The following KMT5B variants were observed in gnomAD, a reference collection of about 807,000 sequenced individuals.
KMT5B encodes histone-lysine N-methyltransferase KMT5B.
Under a neutral mutation model 83.2 loss-of-function variants are expected in KMT5B, and 10 were observed. The ratio of observed to expected loss-of-function variants is 0.12; its 90% CI spans 0.07 to 0.20. The LOEUF is 0.20. Among genes scored for constraint, KMT5B ranks in the 10% least tolerant of loss-of-function variants. The pLI is 1.00. For synonymous variants in KMT5B, 349 were observed against 388.8 expected (o/e 0.90, Z 1.20); for missense variants, 753 against 1,067.2 (o/e 0.71, Z 4.10).
intron 3 of KMT5B, among the ~76,000 whole-genome samples, chr11:68,182,871 G>C (rs142934839): frequency 2.6e-5 from 4 of 151,924 alleles, no homozygotes; most frequent in African/African-American, 7.3e-5. Flanking sequence ...TGAGTAGCTG[G>C]GAGTACAGGC....
At chr11:68,179,564 CTG>C in intron 4 of KMT5B, 8 of 1,304,016 alleles carry the variant, frequency 6.1e-6, no homozygotes, top group Non-Finnish European at 8.1e-6. Flanking sequence ...AAGTTGTAGA[CTG>C]TATTAGCTGT....
Position 68,162,334 on chromosome 11 carries a change from C to T in KMT5B, c.1175-3163G>A, listed in dbSNP as rs117605420. On this transcript the variant is annotated intron_variant, in intron 10 of 10. Transcript: ENST00000304363. ...ATTTTAACCTGTGCTCACATCTCTT[C>T]TTCTTAGCCTGTACTCGCCATGAAG... Among the ~76,000 whole-genome samples the T allele has an allele frequency of 9.2e-3, 1,403 of 152,320 alleles. 12 individuals are homozygous for T. Among genetic ancestry groups the T allele is most frequent in the South Asian group, 0.023 (110 of 4,820 alleles).
At chr11:68,206,936 C>A (rs928409033) in intron 1 of KMT5B, among the ~76,000 whole-genome samples, 1 of 152,182 alleles carries the variant, frequency 6.6e-6, no homozygotes, top group Non-Finnish European at 1.5e-5. Context: ...GGCTGCAACA[C>A]GCATGATTAA....
chr11:68,175,914 G>GTGTT, intron 4 of KMT5B, among the ~76,000 whole-genome samples: 1 of 126,370 alleles, frequency 7.9e-6, no homozygotes, highest in South Asian at 2.6e-4. Flanking sequence ...GGGTAGAGTT[G>GTGTT]TTTTTTTTTT....
rs1011266997 is a variant in KMT5B, at chr11:68,179,446, A to G, written c.377+686T>C. The G allele has an allele frequency of 4.1e-5, 53 of 1,303,178 alleles. No individual in the cohort carries two copies. In the Admixed American group the frequency reaches 9.7e-4, roughly 24 times the overall value. 80.7% of individuals were successfully genotyped at this position (1,303,178 alleles called of 1,614,324 possible). ...ATTATTAAAGGGGCAGGAAAAAAAC[A>G]TATGAATTCACACTCCCACACACCT... On this transcript the variant is annotated intron_variant, in intron 4 of 10. Coordinates refer to ENST00000304363, the MANE Select transcript of KMT5B (RefSeq NM_017635.5).
chr11:68,180,002 T>C, intron 4 of KMT5B, 130 bp downstream of exon 4: 1 of 1,116,678 alleles, frequency 9.0e-7, no homozygotes. Context: ...CAAACTACTT[T>C]AAAAGGTTTG....
rs1291954756 is a variant in KMT5B at position 68,156,385 on chromosome 11, TAATTAA to T, written c.*1297_*1302del. 12 of 152,596 alleles carry T rather than the reference TAATTAA, an allele frequency of 7.9e-5. No individual in the cohort carries two copies. Among genetic ancestry groups the T allele is most frequent in the African/African-American group, 2.7e-4 (11 of 41,416 alleles). The allele number at this position is 152,596 out of a possible 1,614,324, so 9.5% of individuals were successfully genotyped here. ...AGTAATAAAAATTTGCTCATTAAGTTAATTAAAATTAATTTCTCAAAGTGCTTCAAA... is the reference window on the plus strand; with the variant it reads ...AGTAATAAAAATTTGCTCATTAAGTTAATTAATTTCTCAAAGTGCTTCAAA... On this transcript the variant is annotated 3_prime_UTR_variant, in exon 11 of 11. Transcript: ENST00000304363.
intron 4 of KMT5B, among the ~76,000 whole-genome samples, chr11:68,179,290 A>G (rs184485896): frequency 2.6e-5 from 4 of 152,326 alleles, no homozygotes; most frequent in African/African-American, 4.8e-5. Context: ...CCAAACCAAT[A>G]TGCCCCGTCC....
Position 68,194,431 on chromosome 11 carries a change from G to A in KMT5B, c.-76-4279C>T, listed in dbSNP as rs1361550770. ...TAGTCTTGAACTCCTGGCCACAAGCGATCCTCCCACCTCGGCCTCCCAAAG... is the reference window on the plus strand; with the variant it reads ...TAGTCTTGAACTCCTGGCCACAAGCAATCCTCCCACCTCGGCCTCCCAAAG... On this transcript the variant is annotated intron_variant, in intron 1 of 10. Transcript: ENST00000304363. Among the ~76,000 whole-genome samples, 4 of 151,912 alleles carry A rather than the reference G, an allele frequency of 2.6e-5. 1 individual carries two copies. Among genetic ancestry groups the A allele is most frequent in the Admixed American group, 2.6e-4 (4 of 15,230 alleles).
rs1306568174 is a variant in KMT5B at position 68,154,967 on chromosome 11, C to T, written c.*2721G>A. 9.2e-5 allele frequency: 14 copies of T among 152,080 alleles called. 1 individual carries two copies. The allele number at this position is 152,080 out of a possible 1,614,324, so 9.4% of individuals were successfully genotyped here. On this transcript the variant is annotated 3_prime_UTR_variant, in exon 11 of 11. Transcript: ENST00000304363. ...TTTAATGAAACGTTAAAGAACTTACCTCAAATGCTGAAAAAGTCCTTTTTC... is the reference window on the plus strand; with the variant it reads ...TTTAATGAAACGTTAAAGAACTTACTTCAAATGCTGAAAAAGTCCTTTTTC...
intron 1 of KMT5B, among the ~76,000 whole-genome samples, chr11:68,209,072 C>G (rs1860540794): frequency 6.6e-6 from 1 of 152,168 alleles, no homozygotes; most frequent in African/African-American, 2.4e-5. Flanking sequence ...AAAGCTGCAG[C>G]TTCCTAAAAT....
intron 1 of KMT5B, among the ~76,000 whole-genome samples, chr11:68,193,935 G>A (rs373997838): frequency 1.8e-4 from 27 of 151,454 alleles, no homozygotes; most frequent in African/African-American, 6.6e-4. Context: ...AAAGTGTTAG[G>A]ATTACCAGCA....
In KMT5B at chr11:68,167,293, A is replaced by C. The variant is rs1000450729; in HGVS notation, c.978-115T>G. The stretch of plus-strand genomic sequence containing the variant: ...AGATGTGATGAGCTGCTGAGGCCTT[A>C]ATCACCACTGGAAACCGAAGACTAG... On this transcript the variant is annotated intron_variant, in intron 9 of 10. Transcript: ENST00000304363. 3.4e-5 allele frequency: 44 copies of C among 1,294,644 alleles called. 2 individuals carry two copies. The South Asian group carries it at 6.7e-4, about 20-fold the overall frequency. 80.2% of individuals were successfully genotyped at this position (1,294,644 alleles called of 1,614,324 possible).
chr11:68,166,154 C>CTACT, intron 10 of KMT5B: 1 of 1,395,110 alleles, frequency 7.2e-7, no homozygotes, highest in Non-Finnish European at 9.3e-7. Context: ...ACTCAAGAGT[C>CTACT]TACTGCTTTA....
At chr11:68,212,099 A>G (rs1329164650) in intron 1 of KMT5B, among the ~76,000 whole-genome samples, 1 of 152,220 alleles carries the variant, frequency 6.6e-6, no homozygotes, top group Non-Finnish European at 1.5e-5. Context: ...ACTACTAATT[A>G]TCAATATTAT....
At chr11:68,166,349 C>T in intron 10 of KMT5B, 1 of 1,034,368 alleles carries the variant, frequency 9.7e-7, no homozygotes, top group African/African-American at 1.7e-5. Context: ...CCCCCACACA[C>T]CACTGGAATC....
intron 1 of KMT5B, among the ~76,000 whole-genome samples, chr11:68,199,361 CTGTTTTCTAA>C (rs1297170311): frequency 3.3e-5 from 5 of 152,098 alleles, no homozygotes; most frequent in African/African-American, 1.2e-4. Context: ...GTGATAGTGG[CTGTTTTCTAA>C]GACAGCAAGG....
intron 1 of KMT5B, among the ~76,000 whole-genome samples, chr11:68,198,671 G>A: frequency 6.6e-6 from 1 of 152,192 alleles, no homozygotes; most frequent in East Asian, 1.9e-4. Context: ...ACATTTAGAA[G>A]TAAAAATTGC....
At chr11:68,201,755 T>C (rs1467889891) in intron 1 of KMT5B, among the ~76,000 whole-genome samples, 1 of 151,576 alleles carries the variant, frequency 6.6e-6, no homozygotes, top group Admixed American at 6.6e-5. Flanking sequence ...CCCCAAGTGG[T>C]TGAAAAAGAA....
Sources: gnomAD v4.1 joint callset for allele counts (sites outside exome capture counted in the v4.1 genomes callset) on GRCh38, gnomAD v4.1.1 for gene constraint, MANE v1.5 for transcripts, NCBI Gene and HGNC (gene_info 2026-07-23, HGNC 2026-07-21) for gene names.